The following TEX11 variants were observed in gnomAD, a reference collection of about 807,000 sequenced individuals.
TEX11 encodes testis-expressed protein 11.
In TEX11, 7 loss-of-function variants were observed where a neutral mutation model predicts 84.4. The observed-to-expected ratio is 0.08, with a 90% CI of 0.05 to 0.16. The LOEUF (loss-of-function observed/expected upper bound fraction) is 0.16. Ranked by LOEUF, TEX11 falls within the 10% of genes least tolerant of loss-of-function variation. TEX11 has a pLI of 1.00. For synonymous variants in TEX11, 264 were observed against 222.8 expected (o/e 1.18, Z -1.64); for missense variants, 551 against 660.5 (o/e 0.83, Z 1.82).
At chrX:70,783,111 C>T (rs61354665) in intron 9 of TEX11, among the ~76,000 whole-genome samples, 11,221 of 111,224 alleles carry the variant, frequency 0.1, 780 homozygotes, top group Admixed American at 0.29. Context: ...TGTAAAAGAA[C>T]AGAAATCACA....
At chrX:70,878,927 G>A (rs2091669414) in intron 3 of TEX11, among the ~76,000 whole-genome samples, 1 of 112,182 alleles carries the variant, frequency 8.9e-6, no homozygotes, top group Admixed American at 9.5e-5. Context: ...CATACAATGG[G>A]ATATTATTCA....
chrX:70,659,255 TAAGAA>T (rs1272736275), intron 16 of TEX11, among the ~76,000 whole-genome samples: 1 of 112,162 alleles, frequency 8.9e-6, no homozygotes, highest in Non-Finnish European at 1.9e-5. Context: ...CAAAAGACAC[TAAGAA>T]AAAGACAACC....
In TEX11 at chrX:70,885,037, T is replaced by C. The variant is rs774839597; in HGVS notation, c.38-4928A>G. Among the ~76,000 whole-genome samples, 15 of 111,051 alleles carry C rather than the reference T, an allele frequency of 1.4e-4. No homozygotes were observed. In the South Asian group the frequency reaches 5.8e-3, roughly 43 times the overall value. On this transcript the variant is annotated intron_variant, in intron 2 of 29. Transcript: ENST00000374333. ...CTGCTCAGGGGAGAATGGGAGACAG[T>C]GGCTTGAGCTGGTACATGCCATAGC...
intron 9 of TEX11, among the ~76,000 whole-genome samples, chrX:70,787,889 T>C (rs756945117): frequency 9.1e-6 from 1 of 110,403 alleles, no homozygotes; most frequent in Non-Finnish European, 1.9e-5. Context: ...CAATGAACTA[T>C]CCAAAAATGA....
intron 11 of TEX11, among the ~76,000 whole-genome samples, chrX:70,734,967 C>A (rs748803436): frequency 8.9e-6 from 1 of 111,901 alleles, no homozygotes; most frequent in East Asian, 2.8e-4. Context: ...AATGAATGTT[C>A]TTGCTAGAAA....
chrX:70,903,827 C>T (rs935484933), intron 2 of TEX11, among the ~76,000 whole-genome samples: 1 of 108,255 alleles, frequency 9.2e-6, no homozygotes, highest in Non-Finnish European at 1.9e-5. Flanking sequence ...TCTATTCCTT[C>T]CTGGTCTTGA....
intron 16 of TEX11, among the ~76,000 whole-genome samples, chrX:70,652,935 TG>T (rs1437517051): frequency 3.7e-5 from 4 of 109,069 alleles, no homozygotes; most frequent in Non-Finnish European, 5.7e-5. Context: ...AAGACTGCAA[TG>T]AAAAAAAAAA....
intron 25 of TEX11, among the ~76,000 whole-genome samples, chrX:70,582,183 C>T (rs1477633647): frequency 1.8e-5 from 2 of 111,792 alleles, no homozygotes; most frequent in African/African-American, 3.2e-5. Flanking sequence ...TAATGCCCAA[C>T]TTAATAGAAA....
chrX:70,706,362 C>T (rs887028735), intron 13 of TEX11, among the ~76,000 whole-genome samples: 13 of 109,791 alleles, frequency 1.2e-4, no homozygotes, highest in Middle Eastern at 4.7e-3. Flanking sequence ...ATGTAAATGA[C>T]GAGTTAATGG....
chrX:70,794,205 G>A (rs982159769), intron 9 of TEX11, among the ~76,000 whole-genome samples: 16 of 111,565 alleles, frequency 1.4e-4, no homozygotes, highest in East Asian at 5.6e-4. Context: ...GATAGAGAGT[G>A]CAATGATTGT....
At chrX:70,725,544 A>G (rs905187574) in intron 11 of TEX11, among the ~76,000 whole-genome samples, 5 of 112,192 alleles carry the variant, frequency 4.5e-5, no homozygotes, top group African/African-American at 1.3e-4. Flanking sequence ...GAAATAATAT[A>G]TGGAAAAGAA....
intron 7 of TEX11, among the ~76,000 whole-genome samples, chrX:70,839,952 C>A (rs1162729167): frequency 1.8e-5 from 2 of 111,367 alleles, no homozygotes; most frequent in East Asian, 2.8e-4. Context: ...AAGAAATGAA[C>A]AAAGCCTCCA....
intron 9 of TEX11, among the ~76,000 whole-genome samples, chrX:70,781,602 C>G (rs1037720997): frequency 1.8e-5 from 2 of 111,527 alleles, no homozygotes; most frequent in African/African-American, 6.5e-5. Context: ...CTAGAACAAA[C>G]AGTGTAGAGA....
intron 24 of TEX11, among the ~76,000 whole-genome samples, chrX:70,598,380 G>A (rs925346670): frequency 3.6e-5 from 4 of 111,678 alleles, no homozygotes; most frequent in Admixed American, 1.9e-4. Context: ...TGGCAAGGAG[G>A]TGGAGAAATT....
At chrX:70,820,286 C>T (rs2091311904) in intron 8 of TEX11, among the ~76,000 whole-genome samples, 1 of 111,687 alleles carries the variant, frequency 9.0e-6, no homozygotes, top group African/African-American at 3.3e-5. Context: ...AACTGATCTT[C>T]AACATGAGTG....
At chrX:70,899,733 T>G (rs2091791596) in intron 2 of TEX11, among the ~76,000 whole-genome samples, 1 of 102,950 alleles carries the variant, frequency 9.7e-6, no homozygotes, top group Non-Finnish European at 2.0e-5. Flanking sequence ...CTGGGCAACA[T>G]GGCAAAATCC....
chrX:70,734,832 T>G, intron 11 of TEX11, among the ~76,000 whole-genome samples: 1 of 111,381 alleles, frequency 9.0e-6, no homozygotes, highest in Non-Finnish European at 1.9e-5. Flanking sequence ...TGAAGGGAGC[T>G]TCCTCAACCT....
intron 9 of TEX11, among the ~76,000 whole-genome samples, chrX:70,762,907 G>T (rs974685859): frequency 9.0e-6 from 1 of 111,287 alleles, no homozygotes; most frequent in Non-Finnish European, 1.9e-5. Context: ...GGTGGTGTGT[G>T]CCTGTACTCC....
chrX:70,626,606 T>A (rs973928253), intron 18 of TEX11, among the ~76,000 whole-genome samples: 7 of 111,786 alleles, frequency 6.3e-5, no homozygotes, highest in Admixed American at 5.7e-4. Flanking sequence ...TCCTTGATTT[T>A]CCTGCCCTTC....
Sources: gnomAD v4.1 joint callset for allele counts (sites outside exome capture counted in the v4.1 genomes callset) on GRCh38, gnomAD v4.1.1 for gene constraint, MANE v1.5 for transcripts, NCBI Gene and HGNC (gene_info 2026-07-23, HGNC 2026-07-21) for gene names.